The following ESRRG variants were observed in gnomAD, a reference collection of about 807,000 sequenced individuals.
ESRRG encodes the protein estrogen related receptor gamma.
Under a neutral mutation model 44.0 loss-of-function variants are expected in ESRRG, and 13 were observed. The observed-to-expected ratio is 0.30, with a 90% CI of 0.19 to 0.47. ESRRG has a LOEUF of 0.47. Ranked by LOEUF, ESRRG falls within the 20% of genes least tolerant of loss-of-function variation. The pLI is 1.00. For missense variants in ESRRG, 395 were observed against 580.6 expected, an observed-to-expected ratio of 0.68 and a Z score of 3.29; for synonymous variants, 215 against 214.6, an observed-to-expected ratio of 1.00 and a Z score of -0.02.
At chr1:217,047,391 T>C (rs1342242416) in intron 1 of ESRRG, among the ~76,000 whole-genome samples, 2 of 152,080 alleles carry the variant, frequency 1.3e-5, no homozygotes, top group East Asian at 3.9e-4. Flanking sequence ...CTGTCATCCA[T>C]CCATGAAACC....
chr1:217,119,218 T>A (rs1471246757), intron 1 of ESRRG, among the ~76,000 whole-genome samples: 1 of 152,220 alleles, frequency 6.6e-6, no homozygotes, highest in Non-Finnish European at 1.5e-5. Flanking sequence ...AAGTCAATTT[T>A]AAGGTGTCCA....
At chr1:216,915,553 AC>A (rs2061054388) in intron 2 of ESRRG, among the ~76,000 whole-genome samples, 1 of 152,024 alleles carries the variant, frequency 6.6e-6, no homozygotes, top group African/African-American at 2.4e-5. Context: ...CTACCATCCA[AC>A]CCAAAACAGC....
In ESRRG at chr1:217,122,664, CTTTT is replaced by C. The variant is rs10716545; in HGVS notation, c.-230+14999_-230+15002del. Among the ~76,000 whole-genome samples the C allele has an allele frequency of 7.6e-4, 66 of 87,356 alleles. 1 individual carries two copies. The highest frequency in any genetic ancestry group is 2.9e-3 in the African/African-American group (61 of 20,952). The allele number at this position is 87,356 out of a possible 152,430, so 57.3% of individuals were successfully genotyped here. ...GTCCATGGCGGGAAAGACACACACA[CTTTT>C]TTTTTTTTTTTTTTTTTTTGAGACA... On this transcript the variant is annotated intron_variant, in intron 1 of 8. Coordinates refer to the ESRRG transcript ENST00000366940.
intron 1 of ESRRG, among the ~76,000 whole-genome samples, chr1:217,063,550 T>A (rs924500286): frequency 5.3e-5 from 8 of 152,150 alleles, no homozygotes. Context: ...AAAGGGCTGC[T>A]TATAAACTGG....
At chr1:217,112,491 C>A (rs889752652) in intron 1 of ESRRG, among the ~76,000 whole-genome samples, 1 of 152,086 alleles carries the variant, frequency 6.6e-6, no homozygotes, top group Non-Finnish European at 1.5e-5. Flanking sequence ...CCTACAGTAA[C>A]GTGGAAAATA....
At chr1:217,124,524 G>A (rs920175913) in intron 1 of ESRRG, among the ~76,000 whole-genome samples, 1 of 152,138 alleles carries the variant, frequency 6.6e-6, no homozygotes, top group Non-Finnish European at 1.5e-5. Context: ...AACTCTCCAC[G>A]TGCATGAATC....
At chr1:216,636,457 C>G (rs1233575217) in intron 3 of ESRRG, among the ~76,000 whole-genome samples, 8 of 152,276 alleles carry the variant, frequency 5.3e-5, no homozygotes, top group Admixed American at 3.9e-4. Context: ...TTTCAGTGAT[C>G]TCTCTCATTG....
intron 1 of ESRRG, among the ~76,000 whole-genome samples, chr1:217,075,867 C>A (rs543240650): frequency 6.6e-6 from 1 of 152,114 alleles, no homozygotes; most frequent in Non-Finnish European, 1.5e-5. Flanking sequence ...GGGGTTGATG[C>A]TTTTACATTT....
intron 2 of ESRRG, among the ~76,000 whole-genome samples, chr1:216,655,458 A>G (rs946613300): frequency 1.3e-5 from 2 of 152,202 alleles, no homozygotes; most frequent in Non-Finnish European, 2.9e-5. Flanking sequence ...GAACTATGAC[A>G]TGAAAAGTAA....
intron 2 of ESRRG, among the ~76,000 whole-genome samples, chr1:216,653,975 A>G (rs968488461): frequency 6.6e-6 from 1 of 151,452 alleles, no homozygotes; most frequent in Non-Finnish European, 1.5e-5. Context: ...GTAGAAAAAT[A>G]AGCCAGGCAT....
At chr1:216,575,859 T>A (rs1317056156) in intron 3 of ESRRG, among the ~76,000 whole-genome samples, 1 of 152,010 alleles carries the variant, frequency 6.6e-6, no homozygotes, top group African/African-American at 2.4e-5. Flanking sequence ...GTAGGAAGAA[T>A]GATGAACTAG....
chr1:216,615,736 C>CTT (rs60874199), intron 3 of ESRRG, among the ~76,000 whole-genome samples: 49,953 of 137,060 alleles, frequency 0.36, 9,466 homozygotes, highest in East Asian at 0.51. Context: ...ATTTCTCTCT[C>CTT]TTTTTTTTTT....
intron 2 of ESRRG, among the ~76,000 whole-genome samples, chr1:216,790,558 A>T (rs2094287753): frequency 6.6e-6 from 1 of 152,152 alleles, no homozygotes; most frequent in Admixed American, 6.6e-5. Flanking sequence ...AGGATTTTTA[A>T]CTTGCAAAGA....
At chr1:217,066,926 G>A (rs1340748911) in intron 1 of ESRRG, among the ~76,000 whole-genome samples, 4 of 152,290 alleles carry the variant, frequency 2.6e-5, no homozygotes, top group Middle Eastern at 3.4e-3. Flanking sequence ...AATGTGCCTC[G>A]AATGTGAGAT....
intron 2 of ESRRG, among the ~76,000 whole-genome samples, chr1:216,665,323 C>T (rs756081626): frequency 2.0e-5 from 3 of 152,132 alleles, no homozygotes; most frequent in Non-Finnish European, 4.4e-5. Context: ...CCTTGGTACA[C>T]ATCCCCTGCA....
intron 5 of ESRRG, among the ~76,000 whole-genome samples, chr1:216,553,906 AAAAGTTTT>A (rs1367061463): frequency 6.6e-6 from 1 of 152,112 alleles, no homozygotes; most frequent in Non-Finnish European, 1.5e-5. Context: ...CTAAGAGAAA[AAAAGTTTT>A]CTTCTTAAGA....
intron 2 of ESRRG, among the ~76,000 whole-genome samples, chr1:216,931,843 A>AAAAAC (rs2063389823): frequency 6.6e-6 from 1 of 151,966 alleles, no homozygotes; most frequent in Non-Finnish European, 1.5e-5. Context: ...CACAAAAAAA[A>AAAAAC]AAAAAAACAC....
At chr1:216,641,220 C>T (rs6604638) in intron 3 of ESRRG, among the ~76,000 whole-genome samples, 53,377 of 152,004 alleles carry the variant, frequency 0.35, 10,068 homozygotes, top group African/African-American at 0.49. Context: ...ATTTATTCAG[C>T]TGAAATAATC....
intron 2 of ESRRG, among the ~76,000 whole-genome samples, chr1:216,854,822 G>A (rs1352674350): frequency 8.7e-6 from 1 of 115,474 alleles, no homozygotes; most frequent in East Asian, 2.0e-4. Flanking sequence ...CTCCCGGAAG[G>A]CAAGAAAAAA....
Sources: gnomAD v4.1 joint callset for allele counts (sites outside exome capture counted in the v4.1 genomes callset) on GRCh38, gnomAD v4.1.1 for gene constraint, MANE v1.5 for transcripts, NCBI Gene and HGNC (gene_info 2026-07-23, HGNC 2026-07-21) for gene names.